The following NSD1 variants were observed in gnomAD, a reference collection of about 807,000 sequenced individuals.
NSD1 encodes nuclear receptor binding SET domain protein 1.
A neutral mutation model predicts 242.7 loss-of-function variants in NSD1; 26 were observed. The observed-to-expected ratio is 0.11, with a 90% CI of 0.08 to 0.15. NSD1 has a LOEUF of 0.15. Ranked by LOEUF, NSD1 falls within the 10% of genes least tolerant of loss-of-function variation. NSD1 has a pLI of 1.00. For missense variants in NSD1, 2,495 were observed against 3,272.8 expected (o/e 0.76, Z 5.80); for synonymous variants, 1,106 against 1,178.1 (o/e 0.94, Z 1.25).
At chr5:177,185,936 A>G (rs1317962722) in intron 2 of NSD1, among the ~76,000 whole-genome samples, 1 of 89,108 alleles carries the variant, frequency 1.1e-5, no homozygotes, top group Non-Finnish European at 2.0e-5. Flanking sequence ...ATATAAATAA[A>G]TATATATAAT....
chr5:177,252,181 A>C (rs1329414648), intron 12 of NSD1, among the ~76,000 whole-genome samples: 1 of 152,250 alleles, frequency 6.6e-6, no homozygotes, highest in Non-Finnish European at 1.5e-5. Context: ...CAGAAGGTCT[A>C]GTAATGAAAG....
In NSD1 at chr5:177,291,948, C is replaced by T; in HGVS notation, c.6259-6C>T. On this transcript the variant is annotated splice_polypyrimidine_tract_variant and splice_region_variant and intron_variant, in intron 21 of 22. Coordinates refer to ENST00000439151, the MANE Select transcript of NSD1 (RefSeq NM_022455.5). ...GAATGCTGACTGTTCAATATCTGAC[C>T]TGTAGAATCAACCCATTGCCACGGA... The T allele has an allele frequency of 6.2e-7, 1 of 1,613,014 alleles. No individual in the cohort carries two copies. The highest frequency in any genetic ancestry group is 8.5e-7 in the Non-Finnish European group (1 of 1,179,480).
intron 19 of NSD1, 74 bp downstream of exon 19, chr5:177,282,655 G>A: frequency 1.8e-6 from 2 of 1,112,802 alleles, no homozygotes; most frequent in Non-Finnish European, 2.8e-6. Flanking sequence ...AGTATTTGTA[G>A]GCATGTAACG....
chr5:177,175,323 A>G (rs756370825), intron 2 of NSD1, among the ~76,000 whole-genome samples: 18 of 152,142 alleles, frequency 1.2e-4, no homozygotes, highest in Non-Finnish European at 2.2e-4. Context: ...GAATGCGTAT[A>G]TGTTACAGAC....
At chr5:177,199,923 G>T (rs1204908003) in intron 3 of NSD1, among the ~76,000 whole-genome samples, 3 of 151,934 alleles carry the variant, frequency 2.0e-5, no homozygotes. Flanking sequence ...CTTATAATGG[G>T]TATGTCATGG....
intron 20 of NSD1, among the ~76,000 whole-genome samples, chr5:177,288,032 C>G (rs1485852932): frequency 6.6e-6 from 1 of 152,114 alleles, no homozygotes; most frequent in African/African-American, 2.4e-5. Flanking sequence ...AAACATTACC[C>G]CTGTGATAGG....
rs201361423 is a variant in NSD1, at chr5:177,211,795, A to G, written c.3396A>G (p.Gly1132=). 1 of 1,614,140 alleles carries G rather than the reference A, an allele frequency of 6.2e-7. No individual in the cohort carries two copies. The highest frequency in any genetic ancestry group is 8.5e-7 in the Non-Finnish European group (1 of 1,180,004). Residue 1132 remains glycine, a synonymous_variant, in exon 5 of 23, where the codon GGA becomes GGG. Transcript: ENST00000439151. Reference sequence around the variant, plus strand: ...AAAAAGGACTCTCTTTTGAAAACGGAAAAGGCCCAGAGCTGGACTCTGTAA... The same window carrying G: ...AAAAAGGACTCTCTTTTGAAAACGGGAAAGGCCCAGAGCTGGACTCTGTAA... The part of the protein sequence containing the change: ...ISEKGLSFEN[G]KGPELDSVMN...
chr5:177,158,998 TTA>T (rs10564918), intron 2 of NSD1, among the ~76,000 whole-genome samples: 48,615 of 122,266 alleles, frequency 0.4, 9,565 homozygotes, highest in South Asian at 0.49. Flanking sequence ...ATGAATGATT[TTA>T]TATATATATA....
At chr5:177,204,321 G>C in intron 4 of NSD1, 29 bp downstream of exon 4, 1 of 1,597,564 alleles carries the variant, frequency 6.3e-7, no homozygotes. Flanking sequence ...TTTTTATTGA[G>C]TGACAGAAGC....
At chr5:177,209,573 T>C in intron 4 of NSD1, 63 bp from the exon 5 acceptor site, 1 of 1,017,264 alleles carries the variant, frequency 9.8e-7, no homozygotes, top group Non-Finnish European at 1.5e-6. Context: ...TCTGATTTCA[T>C]CTCCCTTTTC....
intron 2 of NSD1, among the ~76,000 whole-genome samples, chr5:177,178,568 C>G (rs1436538599): frequency 6.6e-6 from 1 of 151,862 alleles, no homozygotes; most frequent in Non-Finnish European, 1.5e-5. Flanking sequence ...AAGAAAAACC[C>G]CTAAAAATAA....
chr5:177,264,515 A>G (rs998528084), intron 14 of NSD1, among the ~76,000 whole-genome samples: 1 of 152,210 alleles, frequency 6.6e-6, no homozygotes, highest in Non-Finnish European at 1.5e-5. Flanking sequence ...TTGCAACATA[A>G]TTGTTCTTCA....
At chr5:177,225,779 C>A (rs1277040163) in intron 5 of NSD1, among the ~76,000 whole-genome samples, 1 of 151,848 alleles carries the variant, frequency 6.6e-6, no homozygotes, top group Non-Finnish European at 1.5e-5. Flanking sequence ...ATTTTTACTT[C>A]AGTTTTGAAT....
At position 177,293,928 on chromosome 5, in the gene NSD1, G is replaced by A. The variant is rs1471211571; in HGVS notation, c.6560G>A (p.Arg2187Gln). ...MCPSSFCKQH[R>Q]EGMLFISKLD... ...CCCAGCTCCTTTTGTAAGCAGCATC[G>A]AGAAGGGATGCTTTTCATTTCCAAA... Residue 2187 changes from arginine to glutamine, a missense_variant, in exon 23 of 23, where the codon CGA becomes CAA. By Grantham distance (43) the Arg-to-Gln change is conservative. This residue lies in a region of NSD1 where 33 missense variants were observed against 134.8 expected (regional missense o/e 0.24). Transcript: ENST00000439151. The A allele has an allele frequency of 1.9e-6, 3 of 1,613,986 alleles. No individual in the cohort carries two copies. The highest frequency in any genetic ancestry group is 2.5e-6 in the Non-Finnish European group (3 of 1,180,020).
chr5:177,154,300 A>G (rs1291043102), intron 2 of NSD1, among the ~76,000 whole-genome samples: 1 of 152,148 alleles, frequency 6.6e-6, no homozygotes, highest in Non-Finnish European at 1.5e-5. Flanking sequence ...AAGGGATTAC[A>G]CAAAGGCATG....
Position 177,299,255 on chromosome 5 carries a change from A to C in NSD1, c.*3796A>C, listed in dbSNP as rs1760439146. ...CCAAGGGTTGAGGGACTGGCAGCTC[A>C]AGAAACCCGGGTTCCTGTTTGGGAG... On this transcript the variant is annotated 3_prime_UTR_variant, in exon 23 of 23. Coordinates refer to ENST00000439151, the MANE Select transcript of NSD1 (RefSeq NM_022455.5). 4.3e-6 allele frequency: 1 copy of C among 233,214 alleles called. No homozygotes were observed. The highest frequency in any genetic ancestry group is 8.5e-6 in the Non-Finnish European group (1 of 118,072). The allele number at this position is 233,214 out of a possible 1,614,324, so 14.4% of individuals were successfully genotyped here.
chr5:177,256,294 T>G (rs899533502), intron 12 of NSD1, among the ~76,000 whole-genome samples: 43 of 148,052 alleles, frequency 2.9e-4, no homozygotes, highest in Middle Eastern at 6.9e-3. Context: ...TTTTTTTTTT[T>G]TTTTTTGAGG....
At chr5:177,242,840 T>C (rs1386920252) in intron 8 of NSD1, among the ~76,000 whole-genome samples, 1 of 152,214 alleles carries the variant, frequency 6.6e-6, no homozygotes. Flanking sequence ...GAATGGCCTT[T>C]ACTATGCTAA....
At chr5:177,260,273 T>C in intron 14 of NSD1, 105 bp downstream of exon 14, 1 of 1,051,502 alleles carries the variant, frequency 9.5e-7, no homozygotes, top group Admixed American at 2.0e-5. Flanking sequence ...GAAAAAATAT[T>C]AGAAATGATA....
Sources: gnomAD v4.1 joint callset for allele counts (sites outside exome capture counted in the v4.1 genomes callset) on GRCh38, gnomAD v4.1.1 for gene constraint, gnomAD v4.1.1 regional missense constraint, MANE v1.5 for transcripts, NCBI Gene and HGNC (gene_info 2026-07-23, HGNC 2026-07-21) for gene names.